Variants in ABCB7 observed in about 807,000 individuals in gnomAD.
ABCB7 encodes ATP binding cassette subfamily B member 7, also known as iron-sulfur clusters transporter ABCB7, mitochondrial.
Under a neutral mutation model 54.4 loss-of-function variants are expected in ABCB7, and 7 were observed. The observed-to-expected ratio is 0.13, with a 90% CI of 0.07 to 0.24. ABCB7 has a LOEUF of 0.24. Among genes scored for constraint, ABCB7 ranks in the 10% least tolerant of loss-of-function variants. ABCB7 has a pLI of 1.00. For synonymous variants in ABCB7, 218 were observed against 207.1 expected (o/e 1.05, Z -0.45); for missense variants, 356 against 570.4 (o/e 0.62, Z 3.83).
At chrX:75,143,963 CACTGAG>C (rs1373938895) in intron 1 of ABCB7, among the ~76,000 whole-genome samples, 5 of 111,115 alleles carry the variant, frequency 4.5e-5, no homozygotes, top group Non-Finnish European at 9.4e-5. Flanking sequence ...AGTCTAAAAA[CACTGAG>C]ACTGAGATAA....
intron 15 of ABCB7, among the ~76,000 whole-genome samples, chrX:75,053,830 A>C (rs2081214381): frequency 8.9e-6 from 1 of 111,959 alleles, no homozygotes; most frequent in South Asian, 3.7e-4. Flanking sequence ...ACACCATTTT[A>C]TTTAAAGGAA....
chrX:75,075,279 C>A (rs1411245203), intron 6 of ABCB7, 83 bp downstream of exon 6: 1 of 1,087,617 alleles, frequency 9.2e-7, no homozygotes, highest in African/African-American at 1.9e-5. Context: ...CATGGGCATG[C>A]AACAGTACAA....
At chrX:75,124,984 C>T (rs187003414) in intron 1 of ABCB7, among the ~76,000 whole-genome samples, 1 of 111,959 alleles carries the variant, frequency 8.9e-6, no homozygotes, top group East Asian at 2.8e-4. Flanking sequence ...GAAGAGAACC[C>T]TCAAGCACAT....
rs1216857424 is a variant in ABCB7 at position 75,052,454 on chromosome X, G to A, written c.*916C>T. 1 of 91,633 alleles carries A rather than the reference G, an allele frequency of 1.1e-5. No individual in the cohort carries two copies. The highest frequency in any genetic ancestry group is 2.0e-5 in the Non-Finnish European group (1 of 49,733). The allele number at this position is 91,633 out of a possible 1,213,427, so 7.6% of individuals were successfully genotyped here. A position where few individuals can be genotyped will look rare whatever the true frequency, so the allele number is the denominator to read the frequency against. On this transcript the variant is annotated 3_prime_UTR_variant, in exon 16 of 16. Transcript: ENST00000373394. ...TGCACTCCAGCCTGGGAGAAAGAGC[G>A]AGACTCCGTCTCAAAAAAAAAAAAA...
intron 4 of ABCB7, among the ~76,000 whole-genome samples, chrX:75,087,247 C>T (rs2081505226): frequency 9.0e-6 from 1 of 111,583 alleles, no homozygotes; most frequent in Non-Finnish European, 1.9e-5. Flanking sequence ...GCCAAGAACC[C>T]TCCCAGGCTG....
intron 1 of ABCB7, among the ~76,000 whole-genome samples, chrX:75,150,065 T>G (rs1178543178): frequency 9.0e-6 from 1 of 111,239 alleles, no homozygotes; most frequent in East Asian, 2.8e-4. Context: ...AAGTCATGCC[T>G]TAGGAAGAAT....
chrX:75,126,799 A>G (rs1245698931), intron 1 of ABCB7, among the ~76,000 whole-genome samples: 1 of 111,956 alleles, frequency 8.9e-6, no homozygotes, highest in Non-Finnish European at 1.9e-5. Flanking sequence ...AATAAACCAG[A>G]AAATCTAGAA....
intron 6 of ABCB7, among the ~76,000 whole-genome samples, chrX:75,074,757 A>G (rs1256083508): frequency 1.8e-5 from 2 of 111,389 alleles, no homozygotes; most frequent in African/African-American, 6.5e-5. Flanking sequence ...CCAAAATACC[A>G]CATGTTCTCA....
rs2081931704 is a variant in ABCB7 at position 75,126,644 on chromosome X, AATAG to A, written c.169-11817_169-11814del. On this transcript the variant is annotated intron_variant, in intron 1 of 15. Coordinates refer to ENST00000373394, the MANE Select transcript of ABCB7 (RefSeq NM_001271696.3). ...AGCTGGATTTTTAAAAGATTAACAA[AATAG>A]ATAGATGACTAGCCACACTAATAAA... 4.5e-5 allele frequency among the ~76,000 whole-genome samples: 5 copies of A among 111,449 alleles called. No individual in the cohort carries two copies. The South Asian group carries it at 1.9e-3, about 42-fold the overall frequency.
chrX:75,077,176 G>A (rs2081417812), intron 4 of ABCB7, among the ~76,000 whole-genome samples: 2 of 111,890 alleles, frequency 1.8e-5, no homozygotes, highest in African/African-American at 6.5e-5. Context: ...CAGCAAGCCA[G>A]ATCACAAAAG....
At chrX:75,099,635 A>AT (rs1361261408) in intron 3 of ABCB7, among the ~76,000 whole-genome samples, 1 of 110,446 alleles carries the variant, frequency 9.1e-6, no homozygotes, top group Non-Finnish European at 1.9e-5. Flanking sequence ...TCCATCTCAC[A>AT]TTTTTTTCTT....
chrX:75,126,777 C>G (rs1307192979), intron 1 of ABCB7, among the ~76,000 whole-genome samples: 1 of 111,715 alleles, frequency 9.0e-6, no homozygotes, highest in Non-Finnish European at 1.9e-5. Context: ...ATACTATAAA[C>G]AACTCTATGC....
chrX:75,120,071 A>C (rs747232461), intron 1 of ABCB7, among the ~76,000 whole-genome samples: 2 of 112,134 alleles, frequency 1.8e-5, no homozygotes, highest in Non-Finnish European at 3.8e-5. Flanking sequence ...AATGTACTGA[A>C]CTAATACAAG....
At position 75,124,623 on chromosome X, in the gene ABCB7, A is replaced by G. The variant is rs969524683; in HGVS notation, c.169-9792T>C. On this transcript the variant is annotated intron_variant, in intron 1 of 15. Coordinates refer to ENST00000373394, the MANE Select transcript of ABCB7 (RefSeq NM_001271696.3). The stretch of plus-strand genomic sequence containing the variant: ...CTCCAGAACCAATTCCTTTTAAATC[A>G]TGAAATTTGGGGACGAATGTACAAA... Among the ~76,000 whole-genome samples the G allele has an allele frequency of 8.0e-5, 9 of 112,020 alleles. No homozygotes were observed. In the Admixed American group the frequency reaches 8.5e-4, roughly 11 times the overall value.
rs962938230 is a variant in ABCB7 at position 75,065,098 on chromosome X, T to G, written c.1803A>C (p.Gln601His). The change falls in exon 13 of 16, where the codon CAA becomes CAC. Residue 601 changes from glutamine (Q) to histidine (H), a missense_variant. This residue lies in a region of ABCB7 where 241 missense variants were observed against 470.9 expected (regional missense o/e 0.51). Coordinates refer to ENST00000373394, the MANE Select transcript of ABCB7 (RefSeq NM_001271696.3). ...AAAGCTTGAGTCCTCGTTCCCCTACTTGGGTGTCATATCCATGTGGCATTC... is the reference window on the plus strand; with the variant it reads ...AAAGCTTGAGTCCTCGTTCCCCTACGTGGGTGTCATATCCATGTGGCATTC... ...ILRMPHGYDTQVGERGLKLSG... is the reference protein window; with the variant it reads ...ILRMPHGYDTHVGERGLKLSG... 3.3e-6 allele frequency: 4 copies of G among 1,211,095 alleles called. No individual in the cohort carries two copies. In the East Asian group the frequency reaches 1.2e-4, roughly 36 times the overall value.
At chrX:75,148,937 T>C in intron 1 of ABCB7, among the ~76,000 whole-genome samples, 1 of 112,171 alleles carries the variant, frequency 8.9e-6, no homozygotes, top group South Asian at 3.7e-4. Flanking sequence ...AAAGAGTTCA[T>C]ACTTAGCAAA....
chrX:75,124,438 A>AT (rs1015983189), intron 1 of ABCB7, among the ~76,000 whole-genome samples: 1 of 112,052 alleles, frequency 8.9e-6, no homozygotes, highest in African/African-American at 3.2e-5. Context: ...TTATCATAAC[A>AT]TTTTTGTCAT....
At chrX:75,056,858 C>T (rs771210930) in intron 15 of ABCB7, among the ~76,000 whole-genome samples, 8 of 111,599 alleles carry the variant, frequency 7.2e-5, no homozygotes, top group Non-Finnish European at 1.5e-4. Context: ...AAAATGGTTA[C>T]CCCCACACTA....
At chrX:75,114,597 G>A (rs1362129528) in intron 2 of ABCB7, among the ~76,000 whole-genome samples, 157 bp downstream of exon 2, 1 of 112,270 alleles carries the variant, frequency 8.9e-6, no homozygotes, top group Non-Finnish European at 1.9e-5. Flanking sequence ...ACTTCTCTCT[G>A]CATTTCCAGA....
Sources: allele counts gnomAD v4.1 joint callset (sites outside exome capture counted in the v4.1 genomes callset), GRCh38; gene constraint gnomAD v4.1.1; regional missense constraint gnomAD v4.1.1; transcripts MANE v1.5; gene names NCBI Gene and HGNC (gene_info 2026-07-23, HGNC 2026-07-21).